Variants in ARHGAP42 observed in about 807,000 individuals in gnomAD.
ARHGAP42 encodes Rho GTPase activating protein 42, also known as rho GTPase-activating protein 42.
A neutral mutation model predicts 125.0 loss-of-function variants in ARHGAP42; 63 were observed. The observed-to-expected ratio is 0.50, with a 90% confidence interval of 0.41 to 0.62. The LOEUF (loss-of-function observed/expected upper bound fraction) is 0.62, where lower values mean the gene tolerates loss of function less well. ARHGAP42 is among the 20% of genes least tolerant of loss of function. The pLI is 0.00. For synonymous variants in ARHGAP42, 339 were observed against 351.0 expected (o/e 0.97, Z 0.38); for missense variants, 766 against 1,024.2 (o/e 0.75, Z 3.44).
At chr11:100,710,393 ATT>A (rs757284837) in intron 1 of ARHGAP42, among the ~76,000 whole-genome samples, 6 of 138,292 alleles carry the variant, frequency 4.3e-5, no homozygotes, top group Admixed American at 7.2e-5. Flanking sequence ...TGCCTGGCTA[ATT>A]TTTTTTTTTT....
intron 1 of ARHGAP42, among the ~76,000 whole-genome samples, chr11:100,715,890 G>A (rs898351938): frequency 6.6e-5 from 10 of 152,154 alleles, no homozygotes; most frequent in Non-Finnish European, 1.2e-4. Flanking sequence ...AAGAACTAAC[G>A]TGGATGGTTT....
intron 3 of ARHGAP42, among the ~76,000 whole-genome samples, chr11:100,820,371 A>T (rs1289338809): frequency 1.3e-5 from 2 of 152,136 alleles, no homozygotes; most frequent in South Asian, 2.1e-4. Flanking sequence ...AAATGATGTC[A>T]GTTGCAGAAC....
intron 2 of ARHGAP42, 117 bp from the exon 3 acceptor site, chr11:100,794,988 T>C (rs1235015504): frequency 4.4e-6 from 3 of 687,118 alleles, no homozygotes; most frequent in Non-Finnish European, 6.9e-6. Context: ...ATTAATAGTA[T>C]ACAGAATATA....
intron 1 of ARHGAP42, among the ~76,000 whole-genome samples, chr11:100,728,414 A>G (rs1313276953): frequency 6.6e-6 from 1 of 152,066 alleles, no homozygotes; most frequent in Non-Finnish European, 1.5e-5. Flanking sequence ...CCTGAGAGAG[A>G]GAAAGATGCC....
intron 4 of ARHGAP42, among the ~76,000 whole-genome samples, chr11:100,907,759 C>T (rs1203015839): frequency 6.6e-6 from 1 of 152,084 alleles, no homozygotes; most frequent in Admixed American, 6.5e-5. Flanking sequence ...GGAGTACATC[C>T]CACCATCAGA....
intron 17 of ARHGAP42, among the ~76,000 whole-genome samples, chr11:100,970,672 G>T (rs1387796703): frequency 1.3e-5 from 2 of 151,978 alleles, no homozygotes; most frequent in Non-Finnish European, 2.9e-5. Flanking sequence ...ATGATTTAGC[G>T]AGAGAGTCAG....
chr11:100,839,281 A>G (rs879863839), intron 3 of ARHGAP42: 2 of 152,194 alleles, frequency 1.3e-5, no homozygotes, highest in African/African-American at 2.4e-5. Context: ...TAGATCAGTG[A>G]TTAATGGAAG....
rs1259894585 is a variant in ARHGAP42 at position 100,992,182 on chromosome 11, G to T, written c.*3381G>T. The T allele has an allele frequency of 1.6e-5, 16 of 1,007,996 alleles. No individual in the cohort carries two copies. The highest frequency in any genetic ancestry group is 2.3e-5 in the Non-Finnish European group (16 of 700,764). The allele number at this position is 1,007,996 out of a possible 1,614,324, so 62.4% of individuals were successfully genotyped here. The stretch of plus-strand genomic sequence containing the variant: ...GTGATACCTTAAATCATGTATTCAG[G>T]ATGCCTTCTTTAGCATTTAGAACCC... On this transcript the variant is annotated 3_prime_UTR_variant, in exon 24 of 24. Transcript: ENST00000298815.
intron 1 of ARHGAP42, among the ~76,000 whole-genome samples, chr11:100,703,157 C>G (rs746933267): frequency 6.6e-6 from 1 of 152,158 alleles, no homozygotes; most frequent in Non-Finnish European, 1.5e-5. Context: ...CGTGCAACTG[C>G]GCTGGCTTCT....
intron 23 of ARHGAP42, among the ~76,000 whole-genome samples, chr11:100,988,025 G>A (rs1472528564): frequency 1.3e-5 from 2 of 152,122 alleles, no homozygotes; most frequent in Non-Finnish European, 2.9e-5. Flanking sequence ...CTACTCTGGA[G>A]GCTGAGGCAG....
intron 4 of ARHGAP42, among the ~76,000 whole-genome samples, chr11:100,889,411 G>A (rs192576936): frequency 6.6e-5 from 10 of 152,236 alleles, no homozygotes; most frequent in Non-Finnish European, 1.5e-4. Context: ...ACACAGAGGA[G>A]GAGTGAGGAG....
At chr11:100,688,638 A>T (rs1192146719) in intron 1 of ARHGAP42, among the ~76,000 whole-genome samples, 2 of 152,202 alleles carry the variant, frequency 1.3e-5, no homozygotes, top group Admixed American at 6.5e-5. Context: ...CTGAAACTGA[A>T]GAGTTTCTCT....
intron 1 of ARHGAP42, among the ~76,000 whole-genome samples, chr11:100,701,075 A>G (rs1861387653): frequency 6.6e-6 from 1 of 152,120 alleles, no homozygotes; most frequent in Non-Finnish European, 1.5e-5. Context: ...TAATCTTTTT[A>G]TACATCGCCA....
At chr11:100,945,376 C>A (rs1364872435) in intron 10 of ARHGAP42, among the ~76,000 whole-genome samples, 1 of 151,994 alleles carries the variant, frequency 6.6e-6, no homozygotes, top group African/African-American at 2.4e-5. Context: ...TTGGCTTCCT[C>A]CCACGAGGGA....
chr11:100,956,073 C>T (rs945108562), intron 12 of ARHGAP42, among the ~76,000 whole-genome samples: 5 of 152,088 alleles, frequency 3.3e-5, no homozygotes, highest in East Asian at 1.9e-4. Context: ...CAAGTGAAGG[C>T]GCTGTCTATA....
intron 22 of ARHGAP42, among the ~76,000 whole-genome samples, chr11:100,982,462 A>G (rs1858569695): frequency 6.6e-6 from 1 of 152,204 alleles, no homozygotes; most frequent in African/African-American, 2.4e-5. Flanking sequence ...GAATAGAGAA[A>G]AATGTCATAG....
At chr11:100,725,402 C>G (rs907820947) in intron 1 of ARHGAP42, among the ~76,000 whole-genome samples, 3 of 151,912 alleles carry the variant, frequency 2.0e-5, no homozygotes, top group South Asian at 2.1e-4. Context: ...AACTCCTGAC[C>G]TTGTGATCTG....
At chr11:100,819,731 G>A (rs1388390471) in intron 3 of ARHGAP42, among the ~76,000 whole-genome samples, 2 of 152,114 alleles carry the variant, frequency 1.3e-5, no homozygotes, top group Admixed American at 6.5e-5. Context: ...TGCCAGATAA[G>A]AGCCACATAA....
At chr11:100,700,445 T>C (rs1356575890) in intron 1 of ARHGAP42, among the ~76,000 whole-genome samples, 4 of 152,256 alleles carry the variant, frequency 2.6e-5, no homozygotes, top group African/African-American at 9.6e-5. Context: ...CATGAAATGC[T>C]GTTTGATAGC....
Sources: gnomAD v4.1 joint callset for allele counts (sites outside exome capture counted in the v4.1 genomes callset) on GRCh38, gnomAD v4.1.1 for gene constraint, MANE v1.5 for transcripts, NCBI Gene and HGNC (gene_info 2026-07-23, HGNC 2026-07-21) for gene names.